The following DSCAM variants were observed in gnomAD, a reference collection of about 807,000 sequenced individuals.
The protein encoded by DSCAM is cell adhesion molecule DSCAM.
In DSCAM, 47 loss-of-function variants were observed where a neutral mutation model predicts 217.7. The ratio of observed to expected loss-of-function variants is 0.22; its 90% CI spans 0.17 to 0.28. DSCAM has a LOEUF of 0.28. Among genes scored for constraint, DSCAM ranks in the 10% least tolerant of loss-of-function variants. The pLI, the probability that DSCAM is intolerant of heterozygous loss-of-function variation, is 1.00. For missense variants in DSCAM, 2,080 were observed against 2,618.3 expected (o/e 0.79, Z 4.49); for synonymous variants, 1,056 against 1,015.3 (o/e 1.04, Z -0.76).
intron 14 of DSCAM, 77 bp downstream of exon 14, chr21:40,187,054 G>T (rs1283168030): frequency 6.4e-7 from 1 of 1,568,972 alleles, no homozygotes; most frequent in Non-Finnish European, 8.7e-7. Context: ...GCGCTTACAG[G>T]TAAAACACAT....
chr21:40,509,494 TCAC>T lies in DSCAM; in HGVS notation c.509-140252_509-140250del, dbSNP rs915564443. On this transcript the variant is annotated intron_variant, in intron 3 of 32. Coordinates refer to ENST00000400454, the MANE Select transcript of DSCAM (RefSeq NM_001389.5). Reference sequence around the variant, plus strand: ...GGATGACAGCTCCCCATTGTTCCTCTCACTCAGAGCCTGGGGCCTGAGCCTGGT... The same window carrying T: ...GGATGACAGCTCCCCATTGTTCCTCTTCAGAGCCTGGGGCCTGAGCCTGGT... Among the ~76,000 whole-genome samples, 7 of 152,194 alleles carry T rather than the reference TCAC, an allele frequency of 4.6e-5. No homozygotes were observed. The South Asian group carries it at 1.0e-3, about 23-fold the overall frequency.
At chr21:40,830,055 T>C (rs2092000260) in intron 1 of DSCAM, among the ~76,000 whole-genome samples, 1 of 152,220 alleles carries the variant, frequency 6.6e-6, no homozygotes, top group Non-Finnish European at 1.5e-5. Context: ...CCATTTGTGT[T>C]AGGTCATTCT....
At chr21:40,789,216 T>C (rs1028029995) in intron 1 of DSCAM, among the ~76,000 whole-genome samples, 20 of 151,466 alleles carry the variant, frequency 1.3e-4, no homozygotes, top group African/African-American at 4.9e-4. Flanking sequence ...CATTAAGACC[T>C]TCAGGACGAC....
chr21:40,390,397 A>C (rs896348495), intron 3 of DSCAM, among the ~76,000 whole-genome samples: 3 of 152,152 alleles, frequency 2.0e-5, no homozygotes, highest in African/African-American at 7.2e-5. Context: ...GACCTGAATA[A>C]TTCATGGAGA....
At chr21:40,771,480 G>A (rs2091444514) in intron 1 of DSCAM, among the ~76,000 whole-genome samples, 1 of 152,198 alleles carries the variant, frequency 6.6e-6, no homozygotes, top group Non-Finnish European at 1.5e-5. Context: ...TATTCCTTCA[G>A]ACTGTGAGCA....
At chr21:40,260,905 T>C (rs1378774031) in intron 11 of DSCAM, among the ~76,000 whole-genome samples, 2 of 152,236 alleles carry the variant, frequency 1.3e-5, no homozygotes, top group African/African-American at 4.8e-5. Context: ...ATCCAGGAGC[T>C]GGCTGGGAAC....
At chr21:40,630,876 G>A (rs1429038726) in intron 3 of DSCAM, 1 of 152,166 alleles carries the variant, frequency 6.6e-6, no homozygotes, top group Non-Finnish European at 1.5e-5. Flanking sequence ...GGAGTTGGGG[G>A]AAGAAAGAAT....
At chr21:40,846,487 A>C in intron 1 of DSCAM, 132 bp downstream of exon 1, 1 of 298,430 alleles carries the variant, frequency 3.4e-6, no homozygotes, top group Non-Finnish European at 5.9e-6. Context: ...AAATAAAAGC[A>C]CGAAATTTTA....
chr21:40,609,034 A>C (rs1024933898), intron 3 of DSCAM, among the ~76,000 whole-genome samples: 19 of 152,170 alleles, frequency 1.2e-4, no homozygotes, highest in Admixed American at 1.2e-3. Flanking sequence ...GGCTCACTGC[A>C]GCCTCGAGCT....
intron 18 of DSCAM, among the ~76,000 whole-genome samples, chr21:40,134,839 A>G (rs2090190661): frequency 6.6e-6 from 1 of 152,226 alleles, no homozygotes; most frequent in Non-Finnish European, 1.5e-5. Flanking sequence ...AATACACCTG[A>G]GCTAAACTGA....
At chr21:40,019,593 C>T (rs2088225480) in intron 32 of DSCAM, among the ~76,000 whole-genome samples, 1 of 152,144 alleles carries the variant, frequency 6.6e-6, no homozygotes, top group Non-Finnish European at 1.5e-5. Flanking sequence ...CATTCAGGAC[C>T]CTCTCCAGTT....
intron 1 of DSCAM, among the ~76,000 whole-genome samples, chr21:40,760,036 C>G (rs922550090): frequency 6.6e-6 from 1 of 151,394 alleles, no homozygotes; most frequent in Non-Finnish European, 1.5e-5. Flanking sequence ...GCTCTGCAAC[C>G]AGGCTGGAAT....
intron 3 of DSCAM, among the ~76,000 whole-genome samples, chr21:40,471,002 C>CCTAGA (rs2075883849): frequency 6.6e-6 from 1 of 152,158 alleles, no homozygotes; most frequent in African/African-American, 2.4e-5. Flanking sequence ...GGTTTTCCTC[C>CCTAGA]CTAGACCCTA....
intron 3 of DSCAM, among the ~76,000 whole-genome samples, chr21:40,573,275 T>G (rs1175912560): frequency 6.6e-6 from 1 of 151,916 alleles, no homozygotes; most frequent in East Asian, 1.9e-4. Context: ...GAGGTGGAGC[T>G]TGCAGTGAGC....
At chr21:40,621,300 T>C (rs2089513347) in intron 3 of DSCAM, 1 of 151,194 alleles carries the variant, frequency 6.6e-6, no homozygotes, top group Non-Finnish European at 1.5e-5. Context: ...TCATAAAGAG[T>C]GATTTGGGGT....
chr21:40,163,447 T>A (rs1038513399), intron 16 of DSCAM, among the ~76,000 whole-genome samples: 2 of 152,242 alleles, frequency 1.3e-5, no homozygotes, highest in Non-Finnish European at 2.9e-5. Context: ...GTCATTTACT[T>A]TTAATTTTAT....
chr21:40,597,353 C>CAAAT (rs144299503), intron 3 of DSCAM, among the ~76,000 whole-genome samples: 7,749 of 151,418 alleles, frequency 0.051, 585 homozygotes, highest in African/African-American at 0.16. Context: ...CTTCTTCAAA[C>CAAAT]GAAATGTCTC....
chr21:40,367,234 G>C (rs897041989), intron 4 of DSCAM, among the ~76,000 whole-genome samples: 2 of 152,150 alleles, frequency 1.3e-5, no homozygotes, highest in East Asian at 1.9e-4. Flanking sequence ...ATGGGGACCC[G>C]TTGGTTATTT....
chr21:40,841,031 TAGTG>T (rs1177603373), intron 1 of DSCAM, among the ~76,000 whole-genome samples: 1 of 152,226 alleles, frequency 6.6e-6, no homozygotes, highest in Non-Finnish European at 1.5e-5. Context: ...CCTGTCTAGC[TAGTG>T]AGAGAGGCAG....
Sources: gnomAD v4.1 joint callset for allele counts (sites outside exome capture counted in the v4.1 genomes callset) on GRCh38, gnomAD v4.1.1 for gene constraint, MANE v1.5 for transcripts, NCBI Gene and HGNC (gene_info 2026-07-23, HGNC 2026-07-21) for gene names.